PGR: variants seen among roughly 807,000 people sequenced by gnomAD.
The protein encoded by PGR is progesterone receptor.
In PGR, 25 loss-of-function variants were observed where a neutral mutation model predicts 76.1. The ratio of observed to expected loss-of-function variants is 0.33; its 90% CI spans 0.24 to 0.46. The LOEUF is 0.46. Among genes scored for constraint, PGR ranks in the 20% least tolerant of loss-of-function variants. PGR has a pLI of 1.00. For missense variants in PGR, 1,172 were observed against 1,225.3 expected (o/e 0.96, Z 0.65); for synonymous variants, 579 against 535.0 (o/e 1.08, Z -1.14).
chr11:101,125,349 A>C (rs1862805002), intron 2 of PGR, among the ~76,000 whole-genome samples: 1 of 152,206 alleles, frequency 6.6e-6, no homozygotes, highest in African/African-American at 2.4e-5. Flanking sequence ...AGTTTTACTT[A>C]AAGCAAAATA....
In PGR at chr11:101,128,894, G is replaced by C; in HGVS notation, c.177C>G (p.Leu59=). 6.2e-7 allele frequency: 1 copy of C among 1,614,066 alleles called. No individual in the cohort carries two copies. Among genetic ancestry groups the C allele is most frequent in the Non-Finnish European group, 8.5e-7 (1 of 1,180,036 alleles). The part of the protein sequence containing the change: ...SAIPISLDGL[L]FPRPCQGQDP... The stretch of plus-strand genomic sequence containing the variant: ...CCTGTCCCTGGCAGGGCCGAGGGAA[G>C]AGTAGCCCGTCCAGGGAGATAGGTA... The change falls in exon 1 of 8, where the codon CTC becomes CTG. Residue 59 remains leucine, a synonymous_variant. Transcript: ENST00000325455.
intron 2 of PGR, among the ~76,000 whole-genome samples, chr11:101,099,668 CA>C (rs1404794843): frequency 1.3e-5 from 2 of 152,116 alleles, no homozygotes; most frequent in Non-Finnish European, 2.9e-5. Flanking sequence ...CGGTCATGTC[CA>C]GAGAGAAGAG....
intron 3 of PGR, among the ~76,000 whole-genome samples, chr11:101,072,719 A>G (rs961754618): frequency 6.6e-5 from 10 of 152,266 alleles, no homozygotes; most frequent in African/African-American, 2.4e-4. Flanking sequence ...AAAGATCAAA[A>G]GACAAAGAAG....
rs754421410 is a variant in PGR, at chr11:101,127,754, C to A, written c.1317G>T (p.Val439=). 1.3e-6 allele frequency: 2 copies of A among 1,554,928 alleles called. No individual in the cohort carries two copies. Among genetic ancestry groups the A allele is most frequent in the Admixed American group, 1.9e-5 (1 of 53,254 alleles). The change falls in exon 1 of 8, where the codon GTG becomes GTT. Residue 439 remains valine, a synonymous_variant. Coordinates refer to ENST00000325455, the MANE Select transcript of PGR (RefSeq NM_000926.4). ...CTGAGGCACTGGCGGGTGCGGCCGTCACCGCCGCTTCCCCGGGTCTGGATG... is the reference window on the plus strand; with the variant it reads ...CTGAGGCACTGGCGGGTGCGGCCGTAACCGCCGCTTCCCCGGGTCTGGATG... The part of the protein sequence containing the change: ...ATPSRPGEAA[V]TAAPASASVS...
chr11:101,121,183 G>A (rs1293597717), intron 2 of PGR, among the ~76,000 whole-genome samples: 2 of 152,016 alleles, frequency 1.3e-5, no homozygotes, highest in African/African-American at 4.8e-5. Context: ...TTATTTTTAG[G>A]GTAATGTGAA....
chr11:101,072,305 C>T (rs1196735505), intron 3 of PGR, among the ~76,000 whole-genome samples: 1 of 152,154 alleles, frequency 6.6e-6, no homozygotes, highest in Admixed American at 6.6e-5. Flanking sequence ...CGAGGCCTGC[C>T]TTACAAGAGC....
Position 101,127,454 on chromosome 11 carries a change from C to G in PGR, c.1617G>C (p.Pro539=), listed in dbSNP as rs778505545. The G allele has an allele frequency of 6.4e-7, 1 of 1,558,504 alleles. No homozygotes were observed. The highest frequency in any genetic ancestry group is 1.2e-5 in the South Asian group (1 of 84,742). Residue 539 remains proline, a synonymous_variant, in exon 1 of 8, where the codon CCG becomes CCC. Transcript: ENST00000325455. ...CTCACCTCAGGTAGTTGAGATAGGG[C>G]GGGTAGACCTGCGGCAGGCCCTCCT... The part of the protein sequence containing the change: ...VLKEGLPQVY[P]PYLNYLRPDS...
Position 101,129,076 on chromosome 11 carries a change from C to A in PGR, c.-6G>T. ...TTTGCCTTCAGCTCAGTCATGACGACTGGACTCCCCTTTTCTCCTCCCCCG... is the reference window on the plus strand; with the variant it reads ...TTTGCCTTCAGCTCAGTCATGACGAATGGACTCCCCTTTTCTCCTCCCCCG... On this transcript the variant is annotated 5_prime_UTR_variant, in exon 1 of 8. Coordinates refer to ENST00000325455, the MANE Select transcript of PGR (RefSeq NM_000926.4). The A allele has an allele frequency of 6.6e-7, 1 of 1,523,470 alleles. No individual in the cohort carries two copies. The highest frequency in any genetic ancestry group is 8.8e-7 in the Non-Finnish European group (1 of 1,134,124). The allele number at this position is 1,523,470 out of a possible 1,614,324, so 94.4% of individuals were successfully genotyped here. A position where few individuals can be genotyped will look rare whatever the true frequency, so the allele number is the denominator to read the frequency against.
At chr11:101,080,701 A>G (rs1159221754) in intron 3 of PGR, among the ~76,000 whole-genome samples, 2 of 152,140 alleles carry the variant, frequency 1.3e-5, no homozygotes, top group Non-Finnish European at 2.9e-5. Flanking sequence ...AGTTCATTGT[A>G]ATCAAAGACA....
chr11:101,120,945 T>C (rs1375963555), intron 2 of PGR, among the ~76,000 whole-genome samples: 1 of 152,168 alleles, frequency 6.6e-6, no homozygotes, highest in Non-Finnish European at 1.5e-5. Flanking sequence ...TGAAAGAGTA[T>C]TAAAAATCTG....
intron 2 of PGR, among the ~76,000 whole-genome samples, chr11:101,106,611 T>A (rs1223205865): frequency 2.6e-5 from 4 of 152,206 alleles, no homozygotes; most frequent in Non-Finnish European, 5.9e-5. Flanking sequence ...TTTTACACTG[T>A]TGGTGGGAGT....
At chr11:101,083,295 C>T in intron 3 of PGR, among the ~76,000 whole-genome samples, 1 of 152,210 alleles carries the variant, frequency 6.6e-6, no homozygotes, top group Non-Finnish European at 1.5e-5. Context: ...GCCTGGATGT[C>T]CAGGCAGAAG....
In PGR at chr11:101,117,359, T is replaced by A. The variant is rs568637851; in HGVS notation, c.1789+8648A>T. 2.0e-5 allele frequency among the ~76,000 whole-genome samples: 3 copies of A among 152,310 alleles called. No homozygotes were observed. The South Asian group carries it at 6.2e-4, about 32-fold the overall frequency. ...TTTTTCTTCCTGTTTGTCTTTTTCTTGATTTGTAAGAATATTTTGTATATG... is the reference window on the plus strand; with the variant it reads ...TTTTTCTTCCTGTTTGTCTTTTTCTAGATTTGTAAGAATATTTTGTATATG... On this transcript the variant is annotated intron_variant, in intron 2 of 7. Transcript: ENST00000325455.
At position 101,038,196 on chromosome 11, in the gene PGR, T is replaced by C. The variant is rs192645785; in HGVS notation, c.*920A>G. On this transcript the variant is annotated 3_prime_UTR_variant, in exon 8 of 8. Coordinates refer to ENST00000325455, the MANE Select transcript of PGR (RefSeq NM_000926.4). ...CCCTCCTCCTCCTCTCCCTTTCTTCTTTCCTTTGATTTGAAAAGATGTTAA... is the reference window on the plus strand; with the variant it reads ...CCCTCCTCCTCCTCTCCCTTTCTTCCTTCCTTTGATTTGAAAAGATGTTAA... The C allele has an allele frequency of 8.9e-5, 17 of 191,872 alleles. No individual in the cohort carries two copies. In the East Asian group the frequency reaches 1.4e-3, roughly 16 times the overall value. 11.9% of individuals were successfully genotyped at this position (191,872 alleles called of 1,614,324 possible).
Position 101,080,745 on chromosome 11 carries a change from C to G in PGR, c.1906+11015G>C, listed in dbSNP as rs1861277922. 3.3e-5 allele frequency among the ~76,000 whole-genome samples: 5 copies of G among 151,892 alleles called. No individual in the cohort carries two copies. The South Asian group carries it at 1.0e-3, about 32-fold the overall frequency. On this transcript the variant is annotated intron_variant, in intron 3 of 7. Transcript: ENST00000325455. ...AACCAACATAAACTTCTAAAGCAAT[C>G]TAGGAAATTAAGAAAGACATGAACA...
At chr11:101,070,125 A>G (rs518300) in intron 3 of PGR, among the ~76,000 whole-genome samples, 110,932 of 151,920 alleles carry the variant, frequency 0.73, 40,866 homozygotes, top group East Asian at 0.99. Flanking sequence ...TGAGGTACCC[A>G]CCTCATCTCA....
chr11:101,048,922 T>C (rs185350603), intron 6 of PGR, among the ~76,000 whole-genome samples: 1 of 152,142 alleles, frequency 6.6e-6, no homozygotes, highest in African/African-American at 2.4e-5. Context: ...TCTTTCTTTC[T>C]TTTTTTAGAG....
At chr11:101,108,264 A>T (rs1461040343) in intron 2 of PGR, among the ~76,000 whole-genome samples, 1 of 151,442 alleles carries the variant, frequency 6.6e-6, no homozygotes, top group African/African-American at 2.4e-5. Context: ...AAAAAAAAAA[A>T]AAATGAGCCT....
chr11:101,104,618 T>C (rs373516782), intron 2 of PGR, among the ~76,000 whole-genome samples: 8 of 152,306 alleles, frequency 5.3e-5, no homozygotes, highest in African/African-American at 1.9e-4. Context: ...TGACGACCAA[T>C]ATGGATTTTA....
Sources: gnomAD v4.1 joint callset for allele counts (sites outside exome capture counted in the v4.1 genomes callset) on GRCh38, gnomAD v4.1.1 for gene constraint, MANE v1.5 for transcripts, NCBI Gene and HGNC (gene_info 2026-07-23, HGNC 2026-07-21) for gene names.